DSG2: variants seen among roughly 807,000 people sequenced by gnomAD.
The protein encoded by DSG2 is desmoglein 2, also known as desmoglein-2.
In DSG2, 45 loss-of-function variants were observed where a neutral mutation model predicts 75.6. The ratio of observed to expected loss-of-function variants is 0.60; its 90% CI spans 0.47 to 0.76. DSG2 has a LOEUF of 0.76. Ranked by LOEUF, DSG2 falls within the 30% of genes least tolerant of loss-of-function variation. DSG2 has a pLI of 0.00. For synonymous variants in DSG2, 429 were observed against 483.9 expected, an observed-to-expected ratio of 0.89 and a Z score of 1.49; for missense variants, 1,267 against 1,357.4, an observed-to-expected ratio of 0.93 and a Z score of 1.05.
In DSG2 at chr18:31,539,089, A is replaced by G. The variant is rs958460256; in HGVS notation, c.1879+111A>G. On this transcript the variant is annotated intron_variant, in intron 12 of 14. Coordinates refer to ENST00000261590, the MANE Select transcript of DSG2 (RefSeq NM_001943.5). ...TTCACAGTTATTCTTTAACCACACT[A>G]GAGCACTTTGAGGGTGAATAGGGAA... 1.1e-5 allele frequency: 12 copies of G among 1,060,100 alleles called. No homozygotes were observed. In the East Asian group the frequency reaches 1.4e-4, roughly 13 times the overall value. The allele number at this position is 1,060,100 out of a possible 1,614,324, so 65.7% of individuals were successfully genotyped here. A position where few individuals can be genotyped will look rare whatever the true frequency, so the allele number is the denominator to read the frequency against.
rs1211574207 is a variant in DSG2 at position 31,531,251 on chromosome 18, A to T, written c.1279A>T (p.Arg427Ter). The T allele has an allele frequency of 6.2e-7, 1 of 1,614,084 alleles. No individual in the cohort carries two copies. The highest frequency in any genetic ancestry group is 1.7e-5 in the Admixed American group (1 of 60,014). Residue 427 changes from arginine to a stop codon, truncating the protein, a stop_gained and splice_region_variant, in exon 9 of 15, where the codon AGA becomes TGA. Transcript: ENST00000261590. LOFTEE classifies it high-confidence loss of function. ...GGACACTGGACTACCAGCCCATGCAAGGTAAGAGAGAGTGACACGTGTATT... is the reference window on the plus strand; with the variant it reads ...GGACACTGGACTACCAGCCCATGCATGGTAAGAGAGAGTGACACGTGTATT... ...DEDTGLPAHA[R>*]YVKLEDRDNW...
chr18:31,501,878 C>T (rs2073015523), intron 1 of DSG2, among the ~76,000 whole-genome samples: 1 of 152,078 alleles, frequency 6.6e-6, no homozygotes, highest in Non-Finnish European at 1.5e-5. Context: ...CAAGTGGATT[C>T]AAGTATCTAT....
Position 31,538,971 on chromosome 18 carries a change from C to T in DSG2, c.1872C>T (p.Leu624=), listed in dbSNP as rs1321243877. 6.2e-7 allele frequency: 1 copy of T among 1,613,348 alleles called. No individual in the cohort carries two copies. The highest frequency in any genetic ancestry group is 1.7e-5 in the Admixed American group (1 of 60,022). ...AIALMILAFL[L]LLLVPLLLLM... ...CGCTCATGATTTTGGCCTTTCTGCT[C>T]CTGCTATGTAAGTCTTTAAAAGCCA... The change falls in exon 12 of 15, where the codon CTC becomes CTT. Residue 624 remains leucine, a synonymous_variant. Coordinates refer to ENST00000261590, the MANE Select transcript of DSG2 (RefSeq NM_001943.5).
In DSG2 at chr18:31,521,231, T is replaced by C. The variant is rs1271440899; in HGVS notation, c.511T>C (p.Leu171=). ...QDVFVGSVEE[L]SAAHTLVMKI... ...TGTCTTTGTTGGGTCTGTTGAAGAGTTGAGTGCAGCACGTAAGAGTCTTTT... is the reference window on the plus strand; with the variant it reads ...TGTCTTTGTTGGGTCTGTTGAAGAGCTGAGTGCAGCACGTAAGAGTCTTTT... Residue 171 remains leucine (L), a synonymous_variant, in exon 5 of 15, where the codon TTG becomes CTG. Coordinates refer to ENST00000261590, the MANE Select transcript of DSG2 (RefSeq NM_001943.5). 2 of 1,613,324 alleles carry C rather than the reference T, an allele frequency of 1.2e-6. No homozygotes were observed. Among genetic ancestry groups the C allele is most frequent in the Non-Finnish European group, 1.7e-6 (2 of 1,179,740 alleles).
intron 8 of DSG2, among the ~76,000 whole-genome samples, chr18:31,529,916 G>C (rs1202171671): frequency 1.3e-5 from 2 of 152,100 alleles, no homozygotes; most frequent in East Asian, 3.9e-4. Context: ...TAGAAATTGT[G>C]ATAGCCCAAA....
intron 12 of DSG2, 35 bp from the exon 13 acceptor site, chr18:31,541,158 T>C (rs1460121944): frequency 1.7e-5 from 27 of 1,613,982 alleles, no homozygotes; most frequent in Non-Finnish European, 2.2e-5. Context: ...ATATCAAGGT[T>C]AACCTTATCT....
At chr18:31,508,440 C>T (rs2073050267) in intron 1 of DSG2, among the ~76,000 whole-genome samples, 1 of 151,914 alleles carries the variant, frequency 6.6e-6, no homozygotes, top group South Asian at 2.1e-4. Context: ...GTCACCCAGG[C>T]TGGAGTGCAG....
rs372174546 is a variant in DSG2, at chr18:31,498,295, T to C, written c.44T>C (p.Leu15Pro). Reference protein sequence around the residue: ...PGRAYALLLLLICFNVGSGLH... With the variant: ...PGRAYALLLLPICFNVGSGLH... Reference sequence around the variant, plus strand: ...CGCGCGTACGCCCTGCTGCTTCTCCTGGTAAGTGCCGCAAGCGGGACAGGG... The same window carrying C: ...CGCGCGTACGCCCTGCTGCTTCTCCCGGTAAGTGCCGCAAGCGGGACAGGG... The change falls in exon 1 of 15, where the codon CTG (leucine) becomes CCG (proline). Residue 15 changes from leucine (L) to proline (P), a missense_variant and splice_region_variant. By Grantham distance (98) the Leu-to-Pro change is moderately conservative. Coordinates refer to ENST00000261590, the MANE Select transcript of DSG2 (RefSeq NM_001943.5). 1.6e-6 allele frequency: 2 copies of C among 1,263,690 alleles called. No homozygotes were observed. The highest frequency in any genetic ancestry group is 1.5e-5 in the African/African-American group (1 of 64,998). 78.3% of individuals were successfully genotyped at this position (1,263,690 alleles called of 1,614,324 possible). A position where few individuals can be genotyped will look rare whatever the true frequency, so the allele number is the denominator to read the frequency against.
At position 31,524,432 on chromosome 18, in the gene DSG2, T is replaced by C. The variant is rs969591038; in HGVS notation, c.691-16T>C. ...GACTCTTTTCACCCAGCTGGACATTTTTCATTGCTCTGCAGGAACACAGCA... is the reference window on the plus strand; with the variant it reads ...GACTCTTTTCACCCAGCTGGACATTCTTCATTGCTCTGCAGGAACACAGCA... On this transcript the variant is annotated splice_polypyrimidine_tract_variant and intron_variant, in intron 6 of 14. Transcript: ENST00000261590. 6.2e-7 allele frequency: 1 copy of C among 1,614,128 alleles called. No individual in the cohort carries two copies. Among genetic ancestry groups the C allele is most frequent in the Non-Finnish European group, 8.5e-7 (1 of 1,179,998 alleles).
Position 31,518,277 on chromosome 18 carries a change from G to C in DSG2, c.81+3G>C. 2 of 1,612,542 alleles carry C rather than the reference G, an allele frequency of 1.2e-6. No individual in the cohort carries two copies. The highest frequency in any genetic ancestry group is 1.7e-6 in the Non-Finnish European group (2 of 1,178,650). On this transcript the variant is annotated splice_donor_region_variant and intron_variant, in intron 2 of 14. Transcript: ENST00000261590. ...TTGGAAGTGGACTTCACTTACAGGT[G>C]AGGAAACAAAGGGATTATTTCTGCC...
rs773666300 is a variant in DSG2 at position 31,538,891 on chromosome 18, G to A, written c.1792G>A (p.Gly598Ser). The change falls in exon 12 of 15, where the codon GGC becomes AGC. Residue 598 changes from glycine to serine, a missense_variant. Physicochemically the swap from Gly to Ser is moderately conservative, Grantham distance 56. Coordinates refer to ENST00000261590, the MANE Select transcript of DSG2 (RefSeq NM_001943.5). ...AGTTTGTGAGTGTCTGCATGGCAGC[G>A]GCTGCAGGGAAGCACAGCATGACTC... ...LTVCECLHGS[G>S]CREAQHDSYV... is the part of the protein sequence containing the mutation. 28 of 1,614,014 alleles carry A rather than the reference G, an allele frequency of 1.7e-5. No homozygotes were observed. The highest frequency in any genetic ancestry group is 1.0e-4 in the Admixed American group (6 of 60,000).
intron 1 of DSG2, 108 bp from the exon 2 acceptor site, chr18:31,518,131 A>C (rs2073104129): frequency 1.1e-6 from 1 of 917,316 alleles, no homozygotes; most frequent in African/African-American, 1.7e-5. Flanking sequence ...TAGTGGTTAA[A>C]CTTTTTTTAT....
intron 2 of DSG2, 58 bp from the exon 3 acceptor site, chr18:31,519,745 T>C: frequency 6.4e-7 from 1 of 1,563,608 alleles, no homozygotes; most frequent in Non-Finnish European, 8.8e-7. Context: ...TAGGACAGCA[T>C]ACTAATGTTC....
In DSG2 at chr18:31,544,294, T is replaced by G. The variant is rs1183442948; in HGVS notation, c.2335-1427T>G. ...CTTTTAAAGAACTGCAGTCATACAA[T>G]GTACTTTGATGAAAAAAAAATTAAA... On this transcript the variant is annotated intron_variant, in intron 14 of 14. Transcript: ENST00000261590. Among the ~76,000 whole-genome samples, 3 of 151,994 alleles carry G rather than the reference T, an allele frequency of 2.0e-5. No individual in the cohort carries two copies. In the East Asian group the frequency reaches 5.8e-4, roughly 29 times the overall value.
chr18:31,499,205 C>G (rs73956133), intron 1 of DSG2, among the ~76,000 whole-genome samples: 1 of 152,146 alleles, frequency 6.6e-6, no homozygotes, highest in South Asian at 2.1e-4. Flanking sequence ...AGAGAGTTCA[C>G]AAATATGTGT....
rs1201253630 is a variant in DSG2 at position 31,516,392 on chromosome 18, G to A, written c.46-1847G>A. Among the ~76,000 whole-genome samples the A allele has an allele frequency of 1.3e-5, 2 of 152,166 alleles. 1 individual carries two copies. Among genetic ancestry groups the A allele is most frequent in the Admixed American group, 1.3e-4 (2 of 15,278 alleles). Reference sequence around the variant, plus strand: ...GAGAGGATGACTGAAGATAGTCTCAGTCAAATAATACATGGGGTCATCTCA... The same window carrying A: ...GAGAGGATGACTGAAGATAGTCTCAATCAAATAATACATGGGGTCATCTCA... On this transcript the variant is annotated intron_variant, in intron 1 of 14. Coordinates refer to ENST00000261590, the MANE Select transcript of DSG2 (RefSeq NM_001943.5).
chr18:31,522,305 C>A, intron 6 of DSG2, 56 bp downstream of exon 6: 9 of 1,516,540 alleles, frequency 5.9e-6, no homozygotes, highest in Non-Finnish European at 8.2e-6. Flanking sequence ...TCCAGTTTCT[C>A]CTCTCTTTTT....
At position 31,546,725 on chromosome 18, in the gene DSG2, A is replaced by C; in HGVS notation, c.3339A>C (p.Val1113=). The C allele has an allele frequency of 6.2e-7, 1 of 1,614,180 alleles. No individual in the cohort carries two copies. The highest frequency in any genetic ancestry group is 1.3e-5 in the African/African-American group (1 of 75,044). ...SSTRVTKHST[V]QHSYS ...CCAGAGTTACCAAGCATAGCACTGT[A>C]CAGCATTCTTACTCCTAAACAGCAG... The change falls in exon 15 of 15, where the codon GTA becomes GTC. Residue 1113 remains valine, a synonymous_variant. Transcript: ENST00000261590.
At chr18:31,524,915 G>C in intron 8 of DSG2, 27 bp downstream of exon 8, 2 of 1,609,834 alleles carry the variant, frequency 1.2e-6, no homozygotes, top group Non-Finnish European at 1.7e-6. Context: ...CAAAACTGGC[G>C]TGGGCCAAGT....
Sources: gnomAD v4.1 joint callset for allele counts (sites outside exome capture counted in the v4.1 genomes callset) on GRCh38, gnomAD v4.1.1 for gene constraint, MANE v1.5 for transcripts, NCBI Gene and HGNC (gene_info 2026-07-23, HGNC 2026-07-21) for gene names.